FRMD8: variants seen among roughly 807,000 people sequenced by gnomAD.
FRMD8 encodes FERM domain-containing protein 8.
In FRMD8, 37 loss-of-function variants were observed where a neutral mutation model predicts 54.2. The observed-to-expected ratio is 0.68, with a 90% CI of 0.53 to 0.90. The LOEUF (loss-of-function observed/expected upper bound fraction) is 0.90. Ranked by LOEUF, FRMD8 falls within the 40% of genes least tolerant of loss-of-function variation. The probability of loss-of-function intolerance (pLI) is 0.00; values close to 1 mark genes in which losing one functional copy is unlikely to be tolerated. For synonymous variants in FRMD8, 246 were observed against 286.9 expected (o/e 0.86, Z 1.44); for missense variants, 585 against 653.7 (o/e 0.89, Z 1.15).
At chr11:65,374,444 C>T in the FRMD8 span, among the ~76,000 whole-genome samples, 4 of 145,320 alleles carry the variant, frequency 2.8e-5, no homozygotes, top group African/African-American at 7.4e-5. Context: ...GGACAAGTTA[C>T]ATAATGTCTC....
At chr11:65,399,480 A>T (rs1481302911) in intron 7 of FRMD8, among the ~76,000 whole-genome samples, 1 of 152,112 alleles carries the variant, frequency 6.6e-6, no homozygotes, top group Non-Finnish European at 1.5e-5. Context: ...ACCTGGGGCC[A>T]CGCGCTTCCC....
upstream of FRMD8, chr11:65,386,626 G>T (rs918289103): frequency 5.4e-6 from 1 of 186,542 alleles, no homozygotes; most frequent in African/African-American, 2.3e-5. Flanking sequence ...TCCTCCCGCC[G>T]TGGCTTCCGC....
chr11:65,388,599 C>G (rs1855779286), intron 2 of FRMD8, among the ~76,000 whole-genome samples: 1 of 152,166 alleles, frequency 6.6e-6, no homozygotes, highest in Non-Finnish European at 1.5e-5. Context: ...CCTGCAGTCT[C>G]AGGGATGGGG....
chr11:65,407,269 A>G (rs1156384542), intron 10 of FRMD8, among the ~76,000 whole-genome samples: 1 of 149,538 alleles, frequency 6.7e-6, no homozygotes, highest in Non-Finnish European at 1.5e-5. Context: ...TTATTTATTT[A>G]GAGACAGAGT....
At chr11:65,371,942 C>T in the FRMD8 span, among the ~76,000 whole-genome samples, 1 of 151,794 alleles carries the variant, frequency 6.6e-6, no homozygotes, top group Admixed American at 6.6e-5. Flanking sequence ...GATAGAGTCT[C>T]TCTCTGTCAC....
chr11:65,397,598 T>C (rs1264590880), intron 7 of FRMD8, among the ~76,000 whole-genome samples: 1 of 152,216 alleles, frequency 6.6e-6, no homozygotes, highest in African/African-American at 2.4e-5. Flanking sequence ...GTGCAGTGGA[T>C]GAAGCGAAGG....
At position 65,396,953 on chromosome 11, in the gene FRMD8, T is replaced by A. The variant is rs1169894150; in HGVS notation, c.736T>A (p.Cys246Ser). 1.3e-6 allele frequency: 2 copies of A among 1,516,776 alleles called. No homozygotes were observed. Among genetic ancestry groups the A allele is most frequent in the South Asian group, 1.2e-5 (1 of 80,112 alleles). The allele number at this position is 1,516,776 out of a possible 1,614,324, so 94.0% of individuals were successfully genotyped here. A position where few individuals can be genotyped will look rare whatever the true frequency, so the allele number is the denominator to read the frequency against. The change falls in exon 7 of 11, where the codon TGC becomes AGC. Residue 246 changes from cysteine (C) to serine (S), a missense_variant. Physicochemically the swap from Cys to Ser is moderately radical, Grantham distance 112. Transcript: ENST00000317568. ...GCAGGAGGTCAGCAGCGACGGCGGGTGCGAGGCCGCCCTGGGCACCCACTA... is the reference window on the plus strand; with the variant it reads ...GCAGGAGGTCAGCAGCGACGGCGGGAGCGAGGCCGCCCTGGGCACCCACTA... ...QVQEVSSDGG[C>S]EAALGTHYRA...
chr11:65,402,683 G>T (rs942896642), intron 9 of FRMD8, among the ~76,000 whole-genome samples: 23 of 152,084 alleles, frequency 1.5e-4, no homozygotes, highest in African/African-American at 5.6e-4. Flanking sequence ...TTACTTCGGA[G>T]GTCATTGACC....
chr11:65,390,136 G>A (rs1341943779), intron 3 of FRMD8, among the ~76,000 whole-genome samples: 1 of 152,118 alleles, frequency 6.6e-6, no homozygotes, highest in Non-Finnish European at 1.5e-5. Flanking sequence ...TGGGAGGGGG[G>A]TCTTCAGCCT....
At chr11:65,407,225 C>A (rs1856219651) in intron 10 of FRMD8, among the ~76,000 whole-genome samples, 1 of 108,472 alleles carries the variant, frequency 9.2e-6, no homozygotes, top group African/African-American at 3.2e-5. Context: ...TAACAAAGAT[C>A]TACATTTATT....
chr11:65,382,186 C>T (rs554334792), upstream of FRMD8: 4 of 571,148 alleles, frequency 7.0e-6, no homozygotes, highest in African/African-American at 3.7e-5. The surrounding 1 kb of genome is among the most constrained non-coding windows in gnomAD (Gnocchi z 4.4). Context: ...CCAGGCGTGC[C>T]GGGACCACAG....
the FRMD8 span, chr11:65,376,502 A>C: frequency 1.2e-6 from 2 of 1,614,180 alleles, no homozygotes; most frequent in Non-Finnish European, 1.7e-6. Flanking sequence ...CCCCGGAAGA[A>C]GACTCCCAGT....
At chr11:65,385,871 T>G (rs1452024160), upstream of FRMD8, among the ~76,000 whole-genome samples, 2 of 150,690 alleles carry the variant, frequency 1.3e-5, no homozygotes. Context: ...CTCGGCTCAC[T>G]GCAGGCTCCG....
intron 2 of FRMD8, 130 bp from the exon 3 acceptor site, chr11:65,389,231 A>G: frequency 1.2e-6 from 1 of 812,616 alleles, no homozygotes; most frequent in Non-Finnish European, 2.0e-6. Flanking sequence ...TCAGGAGCGT[A>G]GCCCTGGTCA....
At chr11:65,377,407 G>A in the FRMD8 span, 3 of 1,183,296 alleles carry the variant, frequency 2.5e-6, no homozygotes, top group Non-Finnish European at 3.2e-6. Context: ...CCTCCCTAAA[G>A]CCGGCAGTGA....
the FRMD8 span, chr11:65,376,865 G>A: frequency 6.2e-7 from 1 of 1,614,206 alleles, no homozygotes; most frequent in Admixed American, 1.7e-5. Flanking sequence ...CCCTTCATAG[G>A]TGATGAAGTA....
the FRMD8 span, among the ~76,000 whole-genome samples, chr11:65,372,077 A>G: frequency 7.9e-5 from 12 of 151,072 alleles, no homozygotes; most frequent in Non-Finnish European, 1.5e-4. Flanking sequence ...ACGCCTGGCT[A>G]ATTTTTGTGT....
At chr11:65,397,650 CGTT>C (rs1160205603) in intron 7 of FRMD8, among the ~76,000 whole-genome samples, 2 of 152,208 alleles carry the variant, frequency 1.3e-5, no homozygotes, top group Admixed American at 6.5e-5. Context: ...TGGCAGATGG[CGTT>C]GTCCTCCGCT....
the FRMD8 span, among the ~76,000 whole-genome samples, chr11:65,370,495 T>C: frequency 1.4e-5 from 2 of 143,648 alleles, no homozygotes; most frequent in East Asian, 4.2e-4. Context: ...AGATCAGGAG[T>C]TCAAGACTAG....
Sources: gnomAD v4.1 joint callset for allele counts (sites outside exome capture counted in the v4.1 genomes callset) on GRCh38, gnomAD v4.1.1 for gene constraint, Gnocchi (gnomAD v3.1) non-coding constraint, MANE v1.5 for transcripts, NCBI Gene and HGNC (gene_info 2026-07-23, HGNC 2026-07-21) for gene names.